The following ARL8A variants were observed in gnomAD, a reference collection of about 807,000 sequenced individuals.
The protein encoded by ARL8A is ARF like GTPase 8A.
A neutral mutation model predicts 31.2 loss-of-function variants in ARL8A; 10 were observed. The observed-to-expected ratio is 0.32, with a 90% CI of 0.20 to 0.54. The LOEUF (loss-of-function observed/expected upper bound fraction) is 0.54, where lower values mean the gene tolerates loss of function less well. ARL8A is among the 20% of genes least tolerant of loss of function. ARL8A has a pLI of 0.93. For missense variants in ARL8A, 129 were observed against 242.8 expected, an observed-to-expected ratio of 0.53 and a Z score of 3.12; for synonymous variants, 70 against 86.9, an observed-to-expected ratio of 0.81 and a Z score of 1.08.
Position 202,144,391 on chromosome 1 carries a change from C to A in ARL8A, c.123+59G>T. 6.5e-6 allele frequency: 7 copies of A among 1,079,704 alleles called. No homozygotes were observed. Among genetic ancestry groups the A allele is most frequent in the South Asian group, 2.8e-5 (1 of 35,224 alleles). 66.9% of individuals were successfully genotyped at this position (1,079,704 alleles called of 1,614,324 possible). ...CCGGCTCAGCAGGGCGCGGCGCGGG[C>A]GGGGACAGGCCCGACCCGCGGCCCG... On this transcript the variant is annotated intron_variant, in intron 1 of 6. Coordinates refer to ENST00000272217, the MANE Select transcript of ARL8A (RefSeq NM_138795.4). The surrounding 1 kb of genome is among the most constrained non-coding windows in gnomAD (Gnocchi z 5.2).
At chr1:202,136,568 C>G (rs965626031) in intron 3 of ARL8A, among the ~76,000 whole-genome samples, 1 of 151,696 alleles carries the variant, frequency 6.6e-6, no homozygotes, top group Admixed American at 6.6e-5. Context: ...CATGAGCCAC[C>G]GCATCCAGCC....
chr1:202,142,221 C>A (rs1281163271), intron 1 of ARL8A, among the ~76,000 whole-genome samples: 1 of 152,230 alleles, frequency 6.6e-6, no homozygotes. Context: ...CTCACATTAA[C>A]CTGCTGAGCA....
chr1:202,135,936 G>T lies in ARL8A; in HGVS notation c.279-136C>A, dbSNP rs1654993205. 1 of 773,370 alleles carries T rather than the reference G, an allele frequency of 1.3e-6. No homozygotes were observed. The highest frequency in any genetic ancestry group is 2.2e-6 in the Non-Finnish European group (1 of 454,688). The allele number at this position is 773,370 out of a possible 1,614,324, so 47.9% of individuals were successfully genotyped here. On this transcript the variant is annotated intron_variant, in intron 3 of 6. Coordinates refer to ENST00000272217, the MANE Select transcript of ARL8A (RefSeq NM_138795.4). This position sits in a 1 kb window ranked among gnomAD's most constrained non-coding sequence, Gnocchi z 5.3. ...CACCTCGGGATCCATGGGCTACCTG[G>T]CCTGGCTCAAGGCAGGTGCTCCGCG...
Position 202,135,737 on chromosome 1 carries a change from T to G in ARL8A, c.342A>C (p.Leu114=). 6.2e-7 allele frequency: 1 copy of G among 1,614,058 alleles called. No individual in the cohort carries two copies. Among genetic ancestry groups the G allele is most frequent in the Non-Finnish European group, 8.5e-7 (1 of 1,179,982 alleles). ...TGCCCTGCAGCTGAGGTTTGTCCAG[T>G]AGGTTGTGGAGCTCGTTCTTAGAGG... ...IEASKNELHN[L]LDKPQLQGIP... The change falls in exon 4 of 7, where the codon CTA becomes CTC. Residue 114 remains leucine (L), a synonymous_variant. Transcript: ENST00000272217. This position sits in a 1 kb window ranked among gnomAD's most constrained non-coding sequence, Gnocchi z 5.3.
Position 202,135,653 on chromosome 1 carries a change from C to T in ARL8A, c.372+54G>A. 6.3e-7 allele frequency: 1 copy of T among 1,589,212 alleles called. No individual in the cohort carries two copies. Among genetic ancestry groups the T allele is most frequent in the Non-Finnish European group, 8.6e-7 (1 of 1,157,840 alleles). On this transcript the variant is annotated intron_variant, in intron 4 of 6. Coordinates refer to ENST00000272217, the MANE Select transcript of ARL8A (RefSeq NM_138795.4). This position sits in a 1 kb window ranked among gnomAD's most constrained non-coding sequence, Gnocchi z 5.3. ...ACCATGCCTGGCTTTTACCTGCTCC[C>T]AGTGACTTCCCAGCCGAGCTCCCTC...
Position 202,138,731 on chromosome 1 carries a change from C to A in ARL8A, c.124-283G>T, listed in dbSNP as rs529438111. On this transcript the variant is annotated intron_variant, in intron 1 of 6. Transcript: ENST00000272217. This position sits in a 1 kb window ranked among gnomAD's most constrained non-coding sequence, Gnocchi z 4.4. ...ATTCTTCCTCAAGTCTAACCTACAT[C>A]TCTCTGTAGTAACTGACGCCACTTT... Among the ~76,000 whole-genome samples, 13 of 152,298 alleles carry A rather than the reference C, an allele frequency of 8.5e-5. No individual in the cohort carries two copies. The highest frequency in any genetic ancestry group is 3.1e-4 in the African/African-American group (13 of 41,552).
chr1:202,138,490 T>C lies in ARL8A; in HGVS notation c.124-42A>G. On this transcript the variant is annotated intron_variant, in intron 1 of 6. Transcript: ENST00000272217. The surrounding 1 kb of genome is among the most constrained non-coding windows in gnomAD (Gnocchi z 4.4). ...GAATGGGAAACAGTGCAAAAATCGATATGCCCCCACCGCAGACCAAGAGGC... is the reference window on the plus strand; with the variant it reads ...GAATGGGAAACAGTGCAAAAATCGACATGCCCCCACCGCAGACCAAGAGGC... 1 of 1,583,430 alleles carries C rather than the reference T, an allele frequency of 6.3e-7. No individual in the cohort carries two copies. The highest frequency in any genetic ancestry group is 8.7e-7 in the Non-Finnish European group (1 of 1,152,190).
chr1:202,134,360 A>C lies in ARL8A; in HGVS notation c.*107T>G. 8.9e-7 allele frequency: 1 copy of C among 1,129,870 alleles called. No homozygotes were observed. Among genetic ancestry groups the C allele is most frequent in the Non-Finnish European group, 1.3e-6 (1 of 756,528 alleles). The allele number at this position is 1,129,870 out of a possible 1,614,324, so 70.0% of individuals were successfully genotyped here. ...GGGGTCCCCAGAGGGCCCTCCTCAC[A>C]CTGGGTGAGGAGGGGTGGGCTTAGG... On this transcript the variant is annotated 3_prime_UTR_variant, in exon 7 of 7. Transcript: ENST00000272217. The surrounding 1 kb of genome is among the most constrained non-coding windows in gnomAD (Gnocchi z 4.2).
chr1:202,137,923 C>G, intron 3 of ARL8A, 42 bp downstream of exon 3: 1 of 1,609,392 alleles, frequency 6.2e-7, no homozygotes, highest in Non-Finnish European at 8.5e-7. Flanking sequence ...GCTAGGGGGG[C>G]CGGGTAAGGC....
chr1:202,135,278 T>C lies in ARL8A; in HGVS notation c.441-58A>G. ...TACGAACGTCCAGGGGGCCTGGGGC[T>C]AGGGGACAGCGGGGCCTTTTTCTTA... On this transcript the variant is annotated intron_variant, in intron 5 of 6. Coordinates refer to ENST00000272217, the MANE Select transcript of ARL8A (RefSeq NM_138795.4). The surrounding 1 kb of genome is among the most constrained non-coding windows in gnomAD (Gnocchi z 5.3). The C allele has an allele frequency of 6.4e-7, 1 of 1,556,184 alleles. No homozygotes were observed. The highest frequency in any genetic ancestry group is 8.9e-7 in the Non-Finnish European group (1 of 1,127,700).
chr1:202,136,366 GCCTGCCAGGTTCAAGCGATTCT>G (rs544269157), intron 3 of ARL8A, among the ~76,000 whole-genome samples: 56 of 152,162 alleles, frequency 3.7e-4, no homozygotes, highest in Non-Finnish European at 7.4e-4. Context: ...TGCCACCTCC[GCCTGCCAGGTTCAAGCGATTCT>G]CCTGCCTCAA....
intron 1 of ARL8A, among the ~76,000 whole-genome samples, chr1:202,143,330 G>C (rs1655211595): frequency 2.0e-5 from 3 of 152,202 alleles, no homozygotes; most frequent in Non-Finnish European, 4.4e-5. Flanking sequence ...CCCATCTTCT[G>C]CAAGGTGGGG....
Position 202,134,607 on chromosome 1 carries a change from A to G in ARL8A, c.512-91T>C, listed in dbSNP as rs1472741616. 6 of 1,222,628 alleles carry G rather than the reference A, an allele frequency of 4.9e-6. No homozygotes were observed. Among genetic ancestry groups the G allele is most frequent in the African/African-American group, 1.5e-5 (1 of 66,752 alleles). 75.7% of individuals were successfully genotyped at this position (1,222,628 alleles called of 1,614,324 possible). A position where few individuals can be genotyped will look rare whatever the true frequency, so the allele number is the denominator to read the frequency against. ...GGCCCAAGAAACCAAACCTAAGGGT[A>G]TCAGAAGTCCAGAGATGCCAGGAGG... On this transcript the variant is annotated intron_variant, in intron 6 of 6. Coordinates refer to ENST00000272217, the MANE Select transcript of ARL8A (RefSeq NM_138795.4). This position sits in a 1 kb window ranked among gnomAD's most constrained non-coding sequence, Gnocchi z 4.2.
intron 1 of ARL8A, among the ~76,000 whole-genome samples, chr1:202,142,559 A>C (rs1054183510): frequency 2.0e-5 from 3 of 152,214 alleles, no homozygotes; most frequent in South Asian, 2.1e-4. Flanking sequence ...CTCTCTAAAG[A>C]AGGGAATTTA....
At chr1:202,136,596 G>C (rs989580557) in intron 3 of ARL8A, among the ~76,000 whole-genome samples, 4 of 150,992 alleles carry the variant, frequency 2.6e-5, no homozygotes, top group African/African-American at 9.8e-5. Context: ...TTCTGAGGCA[G>C]GGTCTCACTG....
rs1423573907 is a variant in ARL8A, at chr1:202,138,884, G to A, written c.124-436C>T. Among the ~76,000 whole-genome samples the A allele has an allele frequency of 3.9e-5, 6 of 152,170 alleles. No individual in the cohort carries two copies. The highest frequency in any genetic ancestry group is 1.4e-4 in the African/African-American group (6 of 41,440). On this transcript the variant is annotated intron_variant, in intron 1 of 6. Coordinates refer to ENST00000272217, the MANE Select transcript of ARL8A (RefSeq NM_138795.4). The surrounding 1 kb of genome is among the most constrained non-coding windows in gnomAD (Gnocchi z 4.4). Reference sequence around the variant, plus strand: ...TCAAACTAAAAAATCAAACTTTTTAGGGCAGAGTATATTGGTCATCCTGAA... The same window carrying A: ...TCAAACTAAAAAATCAAACTTTTTAAGGCAGAGTATATTGGTCATCCTGAA...
At chr1:202,139,161 T>G (rs896207513) in intron 1 of ARL8A, among the ~76,000 whole-genome samples, 1 of 152,200 alleles carries the variant, frequency 6.6e-6, no homozygotes, top group African/African-American at 2.4e-5. Flanking sequence ...TCTCTAGGAT[T>G]TCTGGATTCT....
intron 1 of ARL8A, among the ~76,000 whole-genome samples, chr1:202,139,568 G>A (rs1461548636): frequency 1.6e-4 from 24 of 148,688 alleles, no homozygotes; most frequent in Admixed American, 5.4e-4. Flanking sequence ...GCAAGACTCC[G>A]GCTTGAGAAA....
Position 202,144,453 on chromosome 1 carries a change from G to A in ARL8A, c.120C>T (p.Ile40=). 1 of 1,437,302 alleles carries A rather than the reference G, an allele frequency of 7.0e-7. No homozygotes were observed. Among genetic ancestry groups the A allele is most frequent in the Non-Finnish European group, 9.3e-7 (1 of 1,071,988 alleles). 89.0% of individuals were successfully genotyped at this position (1,437,302 alleles called of 1,614,324 possible). A position where few individuals can be genotyped will look rare whatever the true frequency, so the allele number is the denominator to read the frequency against. The change falls in exon 1 of 7, where the codon ATC becomes ATT. Residue 40 remains isoleucine, a synonymous_variant. Transcript: ENST00000272217. This position sits in a 1 kb window ranked among gnomAD's most constrained non-coding sequence, Gnocchi z 5.2. ...CCCGCGCCCGACGCCCTCGTACCGC[G>A]ATCACGTTGACGAAGGTGGTCTTGC... The part of the protein sequence containing the change: ...YSGKTTFVNV[I]ASGQFNEDMI...
Sources: gnomAD v4.1 joint callset for allele counts (sites outside exome capture counted in the v4.1 genomes callset) on GRCh38, gnomAD v4.1.1 for gene constraint, Gnocchi (gnomAD v3.1) non-coding constraint, MANE v1.5 for transcripts, NCBI Gene and HGNC (gene_info 2026-07-23, HGNC 2026-07-21) for gene names.